CELA1: variants seen among roughly 807,000 people sequenced by gnomAD.
CELA1 encodes the protein chymotrypsin like elastase 1, also known as chymotrypsin-like elastase family member 1.
In CELA1, 28 loss-of-function variants were observed where a neutral mutation model predicts 34.8. That is an observed-to-expected ratio of 0.80 (90% CI 0.60 to 1.10). The LOEUF (loss-of-function observed/expected upper bound fraction) is 1.10. CELA1 is among the 50% of genes least tolerant of loss of function. CELA1 has a pLI of 0.00. For synonymous variants in CELA1, 140 were observed against 129.8 expected (o/e 1.08, Z -0.53); for missense variants, 288 against 327.5 (o/e 0.88, Z 0.93).
chr12:51,343,668 G>C (rs1946550509), intron 3 of CELA1, 85 bp downstream of exon 3: 1 of 814,470 alleles, frequency 1.2e-6, no homozygotes, highest in Non-Finnish European at 2.1e-6. Flanking sequence ...GTGCTGTCCA[G>C]AGAGGGCAAA....
Position 51,345,423 on chromosome 12 carries a change from C to T in CELA1, c.99+372G>A, listed in dbSNP as rs556682316. Among the ~76,000 whole-genome samples the T allele has an allele frequency of 5.3e-5, 8 of 152,294 alleles. No individual in the cohort carries two copies. The East Asian group carries it at 5.8e-4, about 11-fold the overall frequency. On this transcript the variant is annotated intron_variant, in intron 2 of 7. Transcript: ENST00000293636. ...GTGTGTGTGTGTGTGCGCGCACATG[C>T]GTGCAAGCATTGTGACACACACAGT... is the stretch of plus-strand genomic sequence containing the variant.
chr12:51,342,101 G>A (rs1946539364), intron 4 of CELA1, among the ~76,000 whole-genome samples: 1 of 152,024 alleles, frequency 6.6e-6, no homozygotes, highest in East Asian at 1.9e-4. Flanking sequence ...GTGCAGTGGC[G>A]CGATCTCAGC....
chr12:51,329,957 C>T (rs1483656924), intron 6 of CELA1, 124 bp from the exon 7 acceptor site: 18 of 759,770 alleles, frequency 2.4e-5, no homozygotes, highest in African/African-American at 3.5e-5. Context: ...AAATCTCCAC[C>T]TCCTTCATGT....
intron 3 of CELA1, 44 bp from the exon 4 acceptor site, chr12:51,342,744 A>C (rs773625559): frequency 1.2e-6 from 2 of 1,606,918 alleles, no homozygotes; most frequent in Non-Finnish European, 1.7e-6. Context: ...GGGGACTCAA[A>C]CCTTCTCTAC....
chr12:51,333,941 A>T (rs1050867958), intron 6 of CELA1, among the ~76,000 whole-genome samples: 1 of 152,190 alleles, frequency 6.6e-6, no homozygotes, highest in Non-Finnish European at 1.5e-5. Context: ...GTGGCTGAGG[A>T]TTTTAGAGCA....
intron 1 of CELA1, among the ~76,000 whole-genome samples, chr12:51,346,297 A>G (rs1239679476): frequency 6.7e-6 from 1 of 149,888 alleles, no homozygotes; most frequent in Non-Finnish European, 1.5e-5. Flanking sequence ...CCTGCTGAGG[A>G]AGTCCTCCTG....
chr12:51,328,624 A>T, intron 7 of CELA1, 30 bp from the exon 8 acceptor site: 1 of 1,610,088 alleles, frequency 6.2e-7, no homozygotes, highest in Non-Finnish European at 8.5e-7. Flanking sequence ...GTCCACAGTC[A>T]GTAACTCCTG....
In CELA1 at chr12:51,343,799, G is replaced by A. The variant is rs745912972; in HGVS notation, c.154C>T (p.Leu52Phe). 11 of 1,611,310 alleles carry A rather than the reference G, an allele frequency of 6.8e-6. 1 individual carries two copies. Among genetic ancestry groups the A allele is most frequent in the Middle Eastern group, 3.5e-4 (2 of 5,694 alleles). ...GTCATCACCCAGTTCTGTCTGATAAGGGTCCCTCCACAGGTGTGATACCGG... is the reference window on the plus strand; with the variant it reads ...GTCATCACCCAGTTCTGTCTGATAAAGGTCCCTCCACAGGTGTGATACCGG... ...GSRYHTCGGT[L>F]IRQNWVMTAA... Residue 52 changes from leucine to phenylalanine, a missense_variant, in exon 3 of 8, where the codon CTT becomes TTT. Coordinates refer to ENST00000293636, the MANE Select transcript of CELA1 (RefSeq NM_001971.6).
In CELA1 at chr12:51,345,765, G is replaced by A. The variant is rs772445683; in HGVS notation, c.99+30C>T. 24 of 1,480,944 alleles carry A rather than the reference G, an allele frequency of 1.6e-5. No individual in the cohort carries two copies. In the South Asian group the frequency reaches 2.3e-4, roughly 14 times the overall value. The allele number at this position is 1,480,944 out of a possible 1,614,324, so 91.7% of individuals were successfully genotyped here. A position where few individuals can be genotyped will look rare whatever the true frequency, so the allele number is the denominator to read the frequency against. ...TCATGCACTGAGCTCTTATTTGGGT[G>A]GAAGTCTGGGGCTGGGAAGGAACAC... On this transcript the variant is annotated intron_variant, in intron 2 of 7. Coordinates refer to ENST00000293636, the MANE Select transcript of CELA1 (RefSeq NM_001971.6).
In CELA1 at chr12:51,328,481, T is replaced by C; in HGVS notation, c.*96A>G. On this transcript the variant is annotated 3_prime_UTR_variant, in exon 8 of 8. Coordinates refer to ENST00000293636, the MANE Select transcript of CELA1 (RefSeq NM_001971.6). Reference sequence around the variant, plus strand: ...TTTTATTTGCTTTTCTATCAATGGCTCAATAGTCTTTCAGAATGTGTTTTA... The same window carrying C: ...TTTTATTTGCTTTTCTATCAATGGCCCAATAGTCTTTCAGAATGTGTTTTA... The C allele has an allele frequency of 1.6e-6, 2 of 1,264,548 alleles. No homozygotes were observed. The highest frequency in any genetic ancestry group is 1.5e-5 in the African/African-American group (1 of 68,376). 78.3% of individuals were successfully genotyped at this position (1,264,548 alleles called of 1,614,324 possible).
intron 7 of CELA1, among the ~76,000 whole-genome samples, 168 bp from the exon 8 acceptor site, chr12:51,328,762 G>A (rs1946451172): frequency 6.6e-6 from 1 of 152,158 alleles, no homozygotes; most frequent in South Asian, 2.1e-4. Flanking sequence ...GGACAGCTCA[G>A]TGTTATAGGT....
At chr12:51,334,723 T>C (rs548239372) in intron 6 of CELA1, among the ~76,000 whole-genome samples, 1 of 152,330 alleles carries the variant, frequency 6.6e-6, no homozygotes, top group East Asian at 1.9e-4. Flanking sequence ...CATGAGCCAC[T>C]GCGCCTGGCC....
At chr12:51,337,944 G>C (rs1312221871) in intron 6 of CELA1, among the ~76,000 whole-genome samples, 3 of 145,776 alleles carry the variant, frequency 2.1e-5, no homozygotes, top group Non-Finnish European at 4.5e-5. Context: ...ATATGTATAT[G>C]GCCAGGCGCG....
chr12:51,335,933 G>A (rs992782842), intron 6 of CELA1, among the ~76,000 whole-genome samples: 1 of 152,006 alleles, frequency 6.6e-6, no homozygotes, highest in Non-Finnish European at 1.5e-5. Context: ...TACTACACCC[G>A]GCTGGTTATA....
At chr12:51,335,323 C>A (rs1946494406) in intron 6 of CELA1, among the ~76,000 whole-genome samples, 1 of 152,142 alleles carries the variant, frequency 6.6e-6, no homozygotes, top group Non-Finnish European at 1.5e-5. Flanking sequence ...GTGGTGCGAT[C>A]TTGGCTCACT....
Position 51,346,633 on chromosome 12 carries a change from C to G in CELA1, c.6G>C (p.Leu2=). 1.6e-6 allele frequency: 2 copies of G among 1,224,544 alleles called. No individual in the cohort carries two copies. The highest frequency in any genetic ancestry group is 2.3e-5 in the African/African-American group (1 of 44,418). The allele number at this position is 1,224,544 out of a possible 1,614,324, so 75.9% of individuals were successfully genotyped here. Residue 2 remains leucine (L), a synonymous_variant, in exon 1 of 8, where the codon CTG becomes CTC. Transcript: ENST00000293636. The part of the protein sequence containing the change: M[L]VLYGHSTQDL... ...ACCATATCCACTTACCATAAAGGAC[C>G]AGCATGTTGCCGATGGAGTAGACCA...
In CELA1 at chr12:51,335,280, G is replaced by A. The variant is rs60109510; in HGVS notation, c.609+4580C>T. Among the ~76,000 whole-genome samples the A allele has an allele frequency of 9.1e-3, 1,384 of 151,844 alleles. 29 individuals carry two copies. Among genetic ancestry groups the A allele is most frequent in the African/African-American group, 0.032 (1,310 of 41,386 alleles). ...ATTTTCTTTTCTCTTTTTTTGAGAC[G>A]GAGTCTCACTCTGTCACCCAGGCTG... On this transcript the variant is annotated intron_variant, in intron 6 of 7. Transcript: ENST00000293636.
intron 6 of CELA1, among the ~76,000 whole-genome samples, chr12:51,337,929 T>TAC (rs1452086853): frequency 1.3e-5 from 2 of 149,724 alleles, no homozygotes; most frequent in Non-Finnish European, 3.0e-5. Flanking sequence ...AACAAATATA[T>TAC]ATATATATGT....
chr12:51,341,391 A>G lies in CELA1; in HGVS notation c.327-11T>C. The stretch of plus-strand genomic sequence containing the variant: ...AGGGCGATGTCATAGCTGCAGGAGA[A>G]AAGGAGACTGCTCACTCATGGGATC... On this transcript the variant is annotated splice_polypyrimidine_tract_variant and intron_variant, in intron 4 of 7. Transcript: ENST00000293636. 1.2e-6 allele frequency: 2 copies of G among 1,614,068 alleles called. No individual in the cohort carries two copies. The highest frequency in any genetic ancestry group is 1.7e-6 in the Non-Finnish European group (2 of 1,180,004).
Sources: gnomAD v4.1 joint callset for allele counts (sites outside exome capture counted in the v4.1 genomes callset) on GRCh38, gnomAD v4.1.1 for gene constraint, MANE v1.5 for transcripts, NCBI Gene and HGNC (gene_info 2026-07-23, HGNC 2026-07-21) for gene names.